JMJD1C: variants seen among roughly 807,000 people sequenced by gnomAD.
JMJD1C encodes jumonji domain-containing protein 1C.
JMJD1C carries 31 observed loss-of-function variants against 245.3 expected under a neutral mutation model. That is an observed-to-expected ratio of 0.13 (90% CI 0.09 to 0.17). JMJD1C has a LOEUF of 0.17. JMJD1C is among the 10% of genes least tolerant of loss of function. The probability of loss-of-function intolerance (pLI) is 1.00; values close to 1 mark genes in which losing one functional copy is unlikely to be tolerated. For missense variants in JMJD1C, 2,691 were observed against 3,000.2 expected (o/e 0.90, Z 2.41); for synonymous variants, 1,057 against 1,017.4 (o/e 1.04, Z -0.74).
At chr10:63,504,506 C>T (rs4486511) in intron 1 of JMJD1C, among the ~76,000 whole-genome samples, 63,936 of 151,926 alleles carry the variant, frequency 0.42, 14,182 homozygotes, top group South Asian at 0.53. Flanking sequence ...AGGAGGCTGA[C>T]ATGTTTACAG....
chr10:63,479,925 G>A (rs1953777888), intron 1 of JMJD1C, among the ~76,000 whole-genome samples: 1 of 152,034 alleles, frequency 6.6e-6, no homozygotes, highest in Non-Finnish European at 1.5e-5. Flanking sequence ...CCAAAAACAG[G>A]GAAGAGATTT....
chr10:63,433,886 G>A (rs12250443), intron 1 of JMJD1C, among the ~76,000 whole-genome samples: 22,020 of 145,284 alleles, frequency 0.15, 3,836 homozygotes, highest in African/African-American at 0.43. Context: ...TGGCCCATAC[G>A]ATATAAATTG....
Position 63,219,951 on chromosome 10 carries a change from C to T in JMJD1C, c.480G>A (p.Arg160=). The T allele has an allele frequency of 6.2e-7, 1 of 1,613,528 alleles. No homozygotes were observed. The highest frequency in any genetic ancestry group is 1.1e-5 in the South Asian group (1 of 91,020). ...DDIDSLNPVL[R]DNPQLHEEVK... is the part of the protein sequence containing the mutation. ...CTTCCTCATGAAGCTGCGGGTTGTC[C>T]CTGAGAACTGGGTTTAGGCTGTCTA... Residue 160 remains arginine, a synonymous_variant, in exon 4 of 26, where the codon AGG becomes AGA. Coordinates refer to ENST00000399262, the MANE Select transcript of JMJD1C (RefSeq NM_032776.3).
intron 2 of JMJD1C, among the ~76,000 whole-genome samples, chr10:63,365,405 C>CTTA (rs1296590275): frequency 6.6e-6 from 1 of 152,024 alleles, no homozygotes; most frequent in African/African-American, 2.4e-5. Context: ...GGTTGTTTTC[C>CTTA]TTTTAAGACT....
At chr10:63,457,372 T>C (rs1952480648) in intron 1 of JMJD1C, among the ~76,000 whole-genome samples, 1 of 152,164 alleles carries the variant, frequency 6.6e-6, no homozygotes, top group Admixed American at 6.5e-5. Context: ...TTAAACACTA[T>C]TTCAAACCCA....
At chr10:63,239,725 G>A (rs921733246) in intron 3 of JMJD1C, among the ~76,000 whole-genome samples, 18 of 152,178 alleles carry the variant, frequency 1.2e-4, no homozygotes, top group African/African-American at 3.1e-4. Flanking sequence ...GATTATAGGC[G>A]TGAGCCACCG....
intron 2 of JMJD1C, among the ~76,000 whole-genome samples, chr10:63,302,172 T>G (rs1860171853): frequency 6.6e-6 from 1 of 152,174 alleles, no homozygotes; most frequent in Admixed American, 6.5e-5. Flanking sequence ...CATGAGCAAC[T>G]GCACTCAGTT....
At chr10:63,344,658 A>G (rs1386151744) in intron 2 of JMJD1C, among the ~76,000 whole-genome samples, 2 of 152,214 alleles carry the variant, frequency 1.3e-5, no homozygotes, top group Non-Finnish European at 2.9e-5. Flanking sequence ...GAGGACATAC[A>G]TTCAAAGTTG....
intron 1 of JMJD1C, among the ~76,000 whole-genome samples, chr10:63,396,307 G>A (rs923982895): frequency 1.3e-5 from 2 of 152,132 alleles, no homozygotes; most frequent in African/African-American, 4.8e-5. Flanking sequence ...ACTGTGGGCC[G>A]AAGATTACTG....
intron 2 of JMJD1C, among the ~76,000 whole-genome samples, chr10:63,322,157 C>T (rs1407513021): frequency 6.6e-6 from 1 of 152,134 alleles, no homozygotes; most frequent in Non-Finnish European, 1.5e-5. Context: ...TTTATTCTCT[C>T]TCATGTTGGG....
In JMJD1C at chr10:63,168,044, CTTAA is replaced by C; in HGVS notation, c.7620_7623del (p.Asn2540LysfsTer6). The C allele has an allele frequency of 1.9e-6, 3 of 1,543,698 alleles. No individual in the cohort carries two copies. The highest frequency in any genetic ancestry group is 1.8e-6 in the Non-Finnish European group (2 of 1,116,744). ...CCTAAAAATATCAAACTGGATCACA[CTTAA>C]TTTTCTTCCATATCCTCTACTTCAT... On this transcript the variant is annotated frameshift_variant and stop_lost, in exon 26 of 26. Transcript: ENST00000399262. LOFTEE classifies it high-confidence loss of function.
In JMJD1C at chr10:63,477,456, GGT is replaced by G. The variant is rs1326900107; in HGVS notation, n.113+44280_113+44281del. 2.0e-5 allele frequency among the ~76,000 whole-genome samples: 3 copies of G among 151,170 alleles called. No homozygotes were observed. In the East Asian group the frequency reaches 5.8e-4, roughly 29 times the overall value. ...TCCAGAAATAGACCCATACTTATATGGTCAATTGATTTTTCAATAAAGGTAAA... is the reference window on the plus strand; with the variant it reads ...TCCAGAAATAGACCCATACTTATATGCAATTGATTTTTCAATAAAGGTAAA... On this transcript the variant is annotated intron_variant and non_coding_transcript_variant, in intron 1 of 3. Coordinates refer to the JMJD1C transcript ENST00000633035.
At chr10:63,251,050 G>C (rs868417822) in intron 3 of JMJD1C, among the ~76,000 whole-genome samples, 15 of 152,224 alleles carry the variant, frequency 9.9e-5, no homozygotes, top group African/African-American at 3.6e-4. Context: ...GCCTAGGCAT[G>C]AGCCACCACA....
intron 3 of JMJD1C, among the ~76,000 whole-genome samples, chr10:63,260,955 C>T (rs1589315639): frequency 1.3e-5 from 2 of 152,244 alleles, no homozygotes; most frequent in Admixed American, 1.3e-4. Flanking sequence ...TTCTTCCCAG[C>T]TAGCTAAAAA....
At position 63,189,216 on chromosome 10, in the gene JMJD1C, C is replaced by T. The variant is rs771233853; in HGVS notation, c.6522G>A (p.Lys2174=). Reference sequence around the variant, plus strand: ...TGAAAAGCTTCCAATTACTGCTATTCTTATAATCCTTAAGCCATAAAATAT... The same window carrying T: ...TGAAAAGCTTCCAATTACTGCTATTTTTATAATCCTTAAGCCATAAAATAT... ...EKHILWLKDY[K]NSSNWKLFKE... Residue 2174 remains lysine (K), a synonymous_variant, in exon 18 of 26, where the codon AAG becomes AAA. Coordinates refer to ENST00000399262, the MANE Select transcript of JMJD1C (RefSeq NM_032776.3). 7.6e-5 allele frequency: 122 copies of T among 1,612,580 alleles called. No individual in the cohort carries two copies. Among genetic ancestry groups the T allele is most frequent in the Non-Finnish European group, 9.7e-5 (114 of 1,179,470 alleles).
chr10:63,490,092 C>T (rs1033752695), intron 1 of JMJD1C, among the ~76,000 whole-genome samples: 2 of 152,196 alleles, frequency 1.3e-5, no homozygotes, highest in African/African-American at 4.8e-5. Context: ...AAACTATTCA[C>T]CCACCCCAGT....
At chr10:63,186,125 T>C in intron 19 of JMJD1C, 90 bp downstream of exon 19, 1 of 1,026,476 alleles carries the variant, frequency 9.7e-7, no homozygotes, top group South Asian at 1.4e-5. Context: ...AACAGATGTT[T>C]CAAAGACTAA....
intron 10 of JMJD1C, chr10:63,202,151 G>T: frequency 4.1e-6 from 1 of 242,776 alleles, no homozygotes; most frequent in Non-Finnish European, 6.6e-6. Flanking sequence ...CTACTCGGGA[G>T]GCTGAGGCAC....
chr10:63,372,838 A>C (rs1189922806), intron 2 of JMJD1C: 1 of 166,880 alleles, frequency 6.0e-6, no homozygotes, highest in African/African-American at 2.4e-5. Flanking sequence ...AGAGGTACAA[A>C]ACAAAGTTCT....
Sources: gnomAD v4.1 joint callset for allele counts (sites outside exome capture counted in the v4.1 genomes callset) on GRCh38, gnomAD v4.1.1 for gene constraint, MANE v1.5 for transcripts, NCBI Gene and HGNC (gene_info 2026-07-23, HGNC 2026-07-21) for gene names.